Variants in DLG2 observed in about 807,000 individuals in gnomAD.
DLG2 encodes the protein discs large MAGUK scaffold protein 2.
In DLG2, 45 loss-of-function variants were observed where a neutral mutation model predicts 132.5. The ratio of observed to expected loss-of-function variants is 0.34; its 90% CI spans 0.27 to 0.44. DLG2 has a LOEUF of 0.44. Among genes scored for constraint, DLG2 ranks in the 20% least tolerant of loss-of-function variants. The pLI, the probability that DLG2 is intolerant of heterozygous loss-of-function variation, is 1.00. For missense variants in DLG2, 1,045 were observed against 1,196.9 expected (o/e 0.87, Z 1.87); for synonymous variants, 424 against 419.6 (o/e 1.01, Z -0.13).
At chr11:84,284,863 T>TCTCA (rs1477190310) in intron 7 of DLG2, among the ~76,000 whole-genome samples, 1 of 152,160 alleles carries the variant, frequency 6.6e-6, no homozygotes, top group Non-Finnish European at 1.5e-5. Flanking sequence ...ATCAGCTTGT[T>TCTCA]CTCAGCCTTT....
At position 84,714,594 on chromosome 11, in the gene DLG2, TTTCTTTCTCTTTCTC is replaced by T. The variant is rs1302867410; in HGVS notation, c.358-179878_358-179864del. 3.4e-4 allele frequency among the ~76,000 whole-genome samples: 39 copies of T among 113,822 alleles called. 1 individual carries two copies. The highest frequency in any genetic ancestry group is 6.4e-4 in the South Asian group (2 of 3,118). 74.7% of individuals were successfully genotyped at this position (113,822 alleles called of 152,430 possible). ...CTTTCTCTTTCTCTTTCTCTTTCTC[TTTCTTTCTCTTTCTC>T]TTTCTCTTTCTCTTTCTCTCTCTCT... On this transcript the variant is annotated intron_variant, in intron 6 of 27. Coordinates refer to ENST00000376104, the MANE Select transcript of DLG2 (RefSeq NM_001142699.3).
intron 4 of DLG2, among the ~76,000 whole-genome samples, chr11:85,255,778 A>G (rs1476256873): frequency 2.6e-5 from 4 of 152,240 alleles, no homozygotes. Flanking sequence ...AAGGAAGGAA[A>G]GCAGACAGAA....
chr11:84,781,798 A>G (rs1382696002), intron 6 of DLG2, among the ~76,000 whole-genome samples: 2 of 152,172 alleles, frequency 1.3e-5, no homozygotes, highest in Non-Finnish European at 2.9e-5. Context: ...GAAACAAGAT[A>G]TTTCCATGTC....
At chr11:84,863,040 C>A (rs1227648505) in intron 6 of DLG2, among the ~76,000 whole-genome samples, 1 of 151,908 alleles carries the variant, frequency 6.6e-6, no homozygotes, top group African/African-American at 2.4e-5. Context: ...CCTTGTCTTC[C>A]CTAAGGAATT....
intron 6 of DLG2, among the ~76,000 whole-genome samples, chr11:85,003,358 T>C (rs1038532495): frequency 2.6e-5 from 4 of 152,258 alleles, no homozygotes; most frequent in Admixed American, 1.3e-4. Flanking sequence ...TAATACCACA[T>C]GGAAATTGCA....
intron 6 of DLG2, among the ~76,000 whole-genome samples, chr11:84,984,936 C>G (rs2056283924): frequency 6.6e-6 from 1 of 152,156 alleles, no homozygotes. Flanking sequence ...AGGAAAATAT[C>G]ACACTCCTAA....
chr11:83,461,992 G>A lies in DLG2; in HGVS notation c.2821+10C>T, dbSNP rs2090122155. The A allele has an allele frequency of 6.4e-7, 1 of 1,574,716 alleles. No individual in the cohort carries two copies. Among genetic ancestry groups the A allele is most frequent in the East Asian group, 2.2e-5 (1 of 44,686 alleles). ...CCTTTCTCACACTACCAGGGTAAAA[G>A]TGAACTTACCTGTAAAATATTCTCC... On this transcript the variant is annotated intron_variant, in intron 27 of 27. Coordinates refer to ENST00000376104, the MANE Select transcript of DLG2 (RefSeq NM_001142699.3).
At chr11:85,464,285 A>G (rs1565528910) in intron 3 of DLG2, among the ~76,000 whole-genome samples, 1 of 152,132 alleles carries the variant, frequency 6.6e-6, no homozygotes, top group Non-Finnish European at 1.5e-5. Flanking sequence ...ACAGCATTGC[A>G]TGAGAGAGAG....
chr11:85,508,968 T>G (rs1056767558), intron 3 of DLG2, among the ~76,000 whole-genome samples: 1 of 152,176 alleles, frequency 6.6e-6, no homozygotes, highest in East Asian at 1.9e-4. Context: ...AATAGTATAG[T>G]TTATTTCAGT....
intron 18 of DLG2, among the ~76,000 whole-genome samples, chr11:83,717,278 C>T (rs1832292023): frequency 6.6e-6 from 1 of 152,152 alleles, no homozygotes; most frequent in Non-Finnish European, 1.5e-5. Context: ...AAATTTAAAT[C>T]TTAATTCATC....
intron 7 of DLG2, among the ~76,000 whole-genome samples, chr11:84,502,606 C>G (rs181977537): frequency 4.1e-4 from 62 of 151,354 alleles, no homozygotes; most frequent in Non-Finnish European, 7.8e-4. Context: ...CCATGTTGAC[C>G]AGGCTAATTT....
chr11:84,612,420 A>T (rs892670618), intron 6 of DLG2, among the ~76,000 whole-genome samples: 1 of 152,154 alleles, frequency 6.6e-6, no homozygotes, highest in Non-Finnish European at 1.5e-5. Context: ...TTATGTAGAC[A>T]TACGCATTCA....
chr11:85,585,890 A>G (rs1398893376), intron 3 of DLG2, among the ~76,000 whole-genome samples: 2 of 151,668 alleles, frequency 1.3e-5, no homozygotes, highest in East Asian at 1.9e-4. Context: ...ATTTTTTTGT[A>G]TATGTTTTTT....
chr11:83,980,233 C>G (rs1488863757), intron 12 of DLG2, among the ~76,000 whole-genome samples: 1 of 152,130 alleles, frequency 6.6e-6, no homozygotes, highest in East Asian at 1.9e-4. Flanking sequence ...AGAGACAGAT[C>G]TCTCTCTGCA....
At chr11:84,877,947 C>A (rs897686382) in intron 6 of DLG2, among the ~76,000 whole-genome samples, 3 of 152,048 alleles carry the variant, frequency 2.0e-5, no homozygotes, top group Admixed American at 1.3e-4. Flanking sequence ...ATGTGGCCAA[C>A]AAACATATGA....
chr11:85,490,503 A>G lies in DLG2; in HGVS notation c.40+108154T>C, dbSNP rs531268422. Among the ~76,000 whole-genome samples, 5 of 152,156 alleles carry G rather than the reference A, an allele frequency of 3.3e-5. No individual in the cohort carries two copies. The South Asian group carries it at 1.0e-3, about 32-fold the overall frequency. ...CTTAATAATATAATCAATGAAATGAAAAATTTGTTCTTTCAAAAGAAAAAC... is the reference window on the plus strand; with the variant it reads ...CTTAATAATATAATCAATGAAATGAGAAATTTGTTCTTTCAAAAGAAAAAC... On this transcript the variant is annotated intron_variant, in intron 3 of 27. Transcript: ENST00000376104.
At chr11:85,091,103 A>G (rs2068698779) in intron 6 of DLG2, among the ~76,000 whole-genome samples, 1 of 152,188 alleles carries the variant, frequency 6.6e-6, no homozygotes, top group South Asian at 2.1e-4. Flanking sequence ...CCTACAACCC[A>G]AACACCTCCC....
chr11:84,719,137 T>C (rs2061522429), intron 6 of DLG2, among the ~76,000 whole-genome samples: 1 of 152,146 alleles, frequency 6.6e-6, no homozygotes, highest in Admixed American at 6.5e-5. Flanking sequence ...AGACTTAAAA[T>C]CCTGACTCCC....
chr11:84,781,061 G>GTGTC (rs771747988), intron 6 of DLG2, among the ~76,000 whole-genome samples: 1 of 104,552 alleles, frequency 9.6e-6, no homozygotes, highest in Non-Finnish European at 2.6e-5. Context: ...AACTTAATGT[G>GTGTC]TGTGTGTGTG....
Sources: gnomAD v4.1 joint callset for allele counts (sites outside exome capture counted in the v4.1 genomes callset) on GRCh38, gnomAD v4.1.1 for gene constraint, MANE v1.5 for transcripts, NCBI Gene and HGNC (gene_info 2026-07-23, HGNC 2026-07-21) for gene names.